The following ADAP1 variants were observed in gnomAD, a reference collection of about 807,000 sequenced individuals.
ADAP1 encodes arf-GAP with dual PH domain-containing protein 1.
ADAP1 carries 31 observed loss-of-function variants against 54.9 expected under a neutral mutation model. That is an observed-to-expected ratio of 0.56 (90% confidence interval 0.42 to 0.76). ADAP1 has a LOEUF of 0.76. Ranked by LOEUF, ADAP1 falls within the 30% of genes least tolerant of loss-of-function variation. The pLI, the probability that ADAP1 is intolerant of heterozygous loss-of-function variation, is 0.00. For missense variants in ADAP1, 535 were observed against 512.4 expected, an observed-to-expected ratio of 1.04 and a Z score of -0.42; for synonymous variants, 313 against 202.6, an observed-to-expected ratio of 1.55 and a Z score of -4.63.
intron 2 of ADAP1, among the ~76,000 whole-genome samples, chr7:927,894 C>T (rs1452507723): frequency 6.6e-6 from 1 of 150,758 alleles, no homozygotes; most frequent in Non-Finnish European, 1.5e-5. Context: ...TATTTTTTTA[C>T]CTAGAAATGG....
chr7:925,301 G>A lies in ADAP1; in HGVS notation c.305+1252C>T, dbSNP rs182370098. On this transcript the variant is annotated intron_variant, in intron 3 of 10. Coordinates refer to ENST00000265846, the MANE Select transcript of ADAP1 (RefSeq NM_006869.4). ...TTTGGGAGGCTGAGGCAGGAGGATC[G>A]CTTGAGCCCAGGAATTTGCAACCAG... Among the ~76,000 whole-genome samples, 830 of 94,948 alleles carry A rather than the reference G, an allele frequency of 8.7e-3. 11 individuals are homozygous for A. Among genetic ancestry groups the A allele is most frequent in the African/African-American group, 0.022 (786 of 35,518 alleles). The allele number at this position is 94,948 out of a possible 152,430, so 62.3% of individuals were successfully genotyped here.
chr7:906,179 G>GGAAAGGAGAAAGGAGAAAGGAGAAAGGA, intron 4 of ADAP1, among the ~76,000 whole-genome samples: 6 of 66,204 alleles, frequency 9.1e-5, no homozygotes, highest in Admixed American at 1.6e-4. Flanking sequence ...AAGGAGAAAG[G>GGAAAGGAGAAAGGAGAAAGGAGAAAGGA]GAAAGGAGAA....
rs373589519 is a variant in ADAP1, at chr7:930,412, T to C, written c.214-3768A>G. ...AAAACACAGGGCCGGGCGCGGTGGC[T>C]CACACCTGTAATCCCAGCACTTTGG... On this transcript the variant is annotated intron_variant, in intron 2 of 10. Transcript: ENST00000265846. Among the ~76,000 whole-genome samples the C allele has an allele frequency of 8.9e-4, 18 of 20,142 alleles. No homozygotes were observed. The East Asian group carries it at 0.048, about 54-fold the overall frequency. The allele number at this position is 20,142 out of a possible 152,430, so 13.2% of individuals were successfully genotyped here.
Position 904,643 on chromosome 7 carries a change from C to T in ADAP1, c.502-371G>A, listed in dbSNP as rs376227585. Among the ~76,000 whole-genome samples the T allele has an allele frequency of 5.3e-5, 8 of 152,236 alleles. No homozygotes were observed. The East Asian group carries it at 1.5e-3, about 29-fold the overall frequency. On this transcript the variant is annotated intron_variant, in intron 5 of 10. Coordinates refer to ENST00000265846, the MANE Select transcript of ADAP1 (RefSeq NM_006869.4). ...CAGGGCGGGTGCTTCTGACCATCAG[C>T]CCATGGGTCTGGGGCCACCTTGTGA...
chr7:916,741 G>C (rs925900563), intron 4 of ADAP1, among the ~76,000 whole-genome samples: 24 of 152,300 alleles, frequency 1.6e-4, no homozygotes, highest in African/African-American at 5.5e-4. Context: ...GGCTGGCTGT[G>C]TGCCAAGTGG....
intron 6 of ADAP1, chr7:900,979 CTT>C (rs1562906314): frequency 7.7e-6 from 4 of 516,358 alleles, no homozygotes; most frequent in Non-Finnish European, 1.6e-5. Context: ...ACTTGCCTTC[CTT>C]TCAGATGGTG....
chr7:906,090 AGGGAGAAAGGAGAAAG>A (rs1339765680), intron 4 of ADAP1, among the ~76,000 whole-genome samples: 188 of 3,396 alleles, frequency 0.055, 48 homozygotes, highest in African/African-American at 0.096. Context: ...GAAAGGAGAA[AGGGAGAAAGGAGAAAG>A]GGAGAAAGGA....
chr7:914,402 G>C (rs962028060), intron 4 of ADAP1, among the ~76,000 whole-genome samples: 1 of 152,214 alleles, frequency 6.6e-6, no homozygotes, highest in East Asian at 1.9e-4. Flanking sequence ...GGGCAGGAAC[G>C]CCGCCGGGAA....
chr7:946,368 G>A lies in ADAP1; in HGVS notation c.82+8028C>T, dbSNP rs1209722512. ...GGCCCCCACCCCCTCACGCTCACGG[G>A]CGGCCCTGGTCCCATTCCATTGTGA... On this transcript the variant is annotated intron_variant, in intron 1 of 10. Coordinates refer to ENST00000265846, the MANE Select transcript of ADAP1 (RefSeq NM_006869.4). This position sits in a 1 kb window ranked among gnomAD's most constrained non-coding sequence, Gnocchi z 4.3. Among the ~76,000 whole-genome samples the A allele has an allele frequency of 1.3e-5, 2 of 151,848 alleles. No individual in the cohort carries two copies. Among genetic ancestry groups the A allele is most frequent in the East Asian group, 3.9e-4 (2 of 5,160 alleles).
chr7:922,421 T>G (rs1011076327), intron 3 of ADAP1, among the ~76,000 whole-genome samples: 1 of 152,104 alleles, frequency 6.6e-6, no homozygotes, highest in East Asian at 1.9e-4. Flanking sequence ...CCCCTAGGTG[T>G]GGACTCACAG....
upstream of ADAP1, among the ~76,000 whole-genome samples, chr7:955,037 T>A (rs1215856595): frequency 6.6e-6 from 1 of 152,136 alleles, no homozygotes; most frequent in African/African-American, 2.4e-5. Flanking sequence ...GTGCGTGTCC[T>A]GTGCTACGGA....
chr7:940,266 G>A (rs1269566054), intron 1 of ADAP1, among the ~76,000 whole-genome samples: 3 of 150,952 alleles, frequency 2.0e-5, no homozygotes, highest in Non-Finnish European at 3.0e-5. Flanking sequence ...TTGAGCCCAG[G>A]GGTGGAGGTT....
intron 4 of ADAP1, among the ~76,000 whole-genome samples, chr7:906,710 G>GA (rs1845430511): frequency 2.8e-5 from 2 of 71,162 alleles, no homozygotes; most frequent in African/African-American, 8.8e-5. Context: ...CATGGGGGAC[G>GA]GGACATCGGG....
At chr7:951,256 C>T (rs1352282053) in intron 1 of ADAP1, among the ~76,000 whole-genome samples, 1 of 151,958 alleles carries the variant, frequency 6.6e-6, no homozygotes, top group East Asian at 1.9e-4. Flanking sequence ...GCCTGTAGTC[C>T]CAGCTACTCG....
chr7:939,669 A>T (rs941095370), intron 1 of ADAP1, among the ~76,000 whole-genome samples: 1 of 151,826 alleles, frequency 6.6e-6, no homozygotes, highest in African/African-American at 2.4e-5. Flanking sequence ...CGTCTCTACT[A>T]AAAATACAAA....
chr7:905,208 G>T, intron 4 of ADAP1, 36 bp from the exon 5 acceptor site: 1 of 1,545,858 alleles, frequency 6.5e-7, no homozygotes, highest in Non-Finnish European at 8.8e-7. Context: ...GGTGACAGTG[G>T]ATGGGGGGGA....
chr7:932,131 C>T (rs538661165), intron 2 of ADAP1, among the ~76,000 whole-genome samples: 246 of 152,322 alleles, frequency 1.6e-3, no homozygotes, highest in African/African-American at 5.5e-3. Context: ...CACCAGTGAA[C>T]GTGCAGACAA....
intron 4 of ADAP1, chr7:905,703 AGAAAGGAGAAAGGAGAAAGG>A (rs1845202440): frequency 2.2e-4 from 3 of 13,848 alleles, no homozygotes; most frequent in African/African-American, 6.7e-4. Flanking sequence ...AGGAGAAAGG[AGAAAGGAGAAAGGAGAAAGG>A]GAAAGGAGAA....
chr7:906,517 AGGAGAAAGGGAAAGGAGAAAGGAGAAG>A (rs1845360461), intron 4 of ADAP1, among the ~76,000 whole-genome samples: 1 of 59,146 alleles, frequency 1.7e-5, no homozygotes, highest in Admixed American at 2.1e-4. Flanking sequence ...GAAAGGAGAA[AGGAGAAAGGGAAAGGAGAAAGGAGAAG>A]GGAGAAAGGG....
Sources: gnomAD v4.1 joint callset for allele counts (sites outside exome capture counted in the v4.1 genomes callset) on GRCh38, gnomAD v4.1.1 for gene constraint, Gnocchi (gnomAD v3.1) non-coding constraint, MANE v1.5 for transcripts, NCBI Gene and HGNC (gene_info 2026-07-23, HGNC 2026-07-21) for gene names.